The following CRK variants were observed in gnomAD, a reference collection of about 807,000 sequenced individuals.
The protein encoded by CRK is CRK proto-oncogene, adaptor protein.
In CRK, 4 loss-of-function variants were observed where a neutral mutation model predicts 29.8. The observed-to-expected ratio is 0.13, with a 90% confidence interval of 0.07 to 0.31. CRK has a LOEUF of 0.31. Ranked by LOEUF, CRK falls within the 10% of genes least tolerant of loss-of-function variation. CRK has a pLI of 1.00. For missense variants in CRK, 274 were observed against 396.5 expected, an observed-to-expected ratio of 0.69 and a Z score of 2.62; for synonymous variants, 153 against 164.9, an observed-to-expected ratio of 0.93 and a Z score of 0.55.
chr17:1,431,447 G>C (rs2073844145), intron 2 of CRK, among the ~76,000 whole-genome samples: 1 of 152,010 alleles, frequency 6.6e-6, no homozygotes, highest in Non-Finnish European at 1.5e-5. Context: ...ATCATACCGG[G>C]GCGGTGGCTC....
At chr17:1,433,050 G>A (rs187277463) in intron 2 of CRK, among the ~76,000 whole-genome samples, 493 of 152,218 alleles carry the variant, frequency 3.2e-3, no homozygotes, top group Non-Finnish European at 5.5e-3. Context: ...AACAAACACT[G>A]GCTATTCCCT....
chr17:1,445,620 G>A (rs1423951731), intron 1 of CRK, among the ~76,000 whole-genome samples: 1 of 152,200 alleles, frequency 6.6e-6, no homozygotes, highest in African/African-American at 2.4e-5. Context: ...GGTAGTCAAG[G>A]AGATTCATGG....
At chr17:1,432,530 C>A (rs563136212) in intron 2 of CRK, among the ~76,000 whole-genome samples, 1 of 146,840 alleles carries the variant, frequency 6.8e-6, no homozygotes, top group South Asian at 2.1e-4. Flanking sequence ...GTAATCCCAG[C>A]ACTTTGGGAG....
At chr17:1,447,843 C>G (rs1359874906) in intron 1 of CRK, among the ~76,000 whole-genome samples, 5 of 152,046 alleles carry the variant, frequency 3.3e-5, no homozygotes, top group Non-Finnish European at 7.4e-5. Context: ...TCTCGAACTC[C>G]TGACCTCAAG....
Position 1,437,015 on chromosome 17 carries a change from T to C in CRK, c.382A>G (p.Ile128Val). 6.2e-7 allele frequency: 1 copy of C among 1,614,136 alleles called. No homozygotes were observed. Among genetic ancestry groups the C allele is most frequent in the East Asian group, 2.2e-5 (1 of 44,882 alleles). ...VSRSRQGSGVILRQEEAEYVR... is the reference protein window; with the variant it reads ...VSRSRQGSGVVLRQEEAEYVR... ...TACTCCGCCTCCTCCTGCCTGAGAA[T>C]CACTCCACTACCCTGCCTGGATCTG... The change falls in exon 2 of 3, where the codon ATT becomes GTT. Residue 128 changes from isoleucine to valine, a missense_variant. Transcript: ENST00000300574.
intron 1 of CRK, among the ~76,000 whole-genome samples, chr17:1,441,263 T>G (rs957555180): frequency 6.6e-6 from 1 of 152,020 alleles, no homozygotes; most frequent in Non-Finnish European, 1.5e-5. Context: ...ACTCCCTATG[T>G]GGCCCAGGCT....
chr17:1,437,451 A>G (rs2073895558), intron 1 of CRK, among the ~76,000 whole-genome samples: 1 of 152,052 alleles, frequency 6.6e-6, no homozygotes, highest in African/African-American at 2.4e-5. Context: ...CAGCACACCA[A>G]CATCACATTT....
Position 1,423,585 on chromosome 17 carries a change from G to A in CRK, c.843C>T (p.Gly281=). ...VSGQWEGECN[G]KRGHFPFTHV... is the part of the protein sequence containing the mutation. ...GTGTGAATGGGAAGTGACCTCGTTT[G>A]CCATTACACTCCCCTTCCCACTGAC... The change falls in exon 3 of 3, where the codon GGC becomes GGT. Residue 281 remains glycine (G), a synonymous_variant. Coordinates refer to ENST00000300574, the MANE Select transcript of CRK (RefSeq NM_016823.4). The A allele has an allele frequency of 6.2e-7, 1 of 1,614,090 alleles. No individual in the cohort carries two copies. The highest frequency in any genetic ancestry group is 2.2e-5 in the East Asian group (1 of 44,888).
Position 1,422,201 on chromosome 17 carries a change from T to C in CRK, c.*1312A>G, listed in dbSNP as rs1454427990. ...TTTTTTGAGACTGAGTCTTGCCCTGTCGCTCAGGCTGGAACGCAGTGGTGC... is the reference window on the plus strand; with the variant it reads ...TTTTTTGAGACTGAGTCTTGCCCTGCCGCTCAGGCTGGAACGCAGTGGTGC... On this transcript the variant is annotated 3_prime_UTR_variant, in exon 3 of 3. Coordinates refer to ENST00000300574, the MANE Select transcript of CRK (RefSeq NM_016823.4). 2 of 150,642 alleles carry C rather than the reference T, an allele frequency of 1.3e-5. No individual in the cohort carries two copies. Among genetic ancestry groups the C allele is most frequent in the African/African-American group, 4.9e-5 (2 of 40,882 alleles). 9.3% of individuals were successfully genotyped at this position (150,642 alleles called of 1,614,324 possible). A position where few individuals can be genotyped will look rare whatever the true frequency, so the allele number is the denominator to read the frequency against.
intron 1 of CRK, among the ~76,000 whole-genome samples, chr17:1,439,500 T>G (rs1246606281): frequency 2.6e-5 from 4 of 152,154 alleles, no homozygotes; most frequent in South Asian, 2.1e-4. Flanking sequence ...TATGGTTTCC[T>G]GAAGAAGTAA....
intron 1 of CRK, among the ~76,000 whole-genome samples, chr17:1,452,058 A>G (rs1305400507): frequency 1.3e-5 from 2 of 152,144 alleles, no homozygotes; most frequent in African/African-American, 4.8e-5. Context: ...GATATTGAGG[A>G]TACGGACCTC....
rs778455201 is a variant in CRK at position 1,436,984 on chromosome 17, C to T, written c.413G>A (p.Arg138Gln). The change falls in exon 2 of 3, where the codon CGA becomes CAA. Residue 138 changes from arginine to glutamine, a missense_variant. By Grantham distance (43) the Arg-to-Gln change is conservative. This residue lies in a region of CRK where 18 missense variants were observed against 61.3 expected (regional missense o/e 0.29). Transcript: ENST00000300574. ...ATTCCCATTAAAGTCAAAGAGGGCT[C>T]GCACATACTCCGCCTCCTCCTGCCT... ...ILRQEEAEYV[R>Q]ALFDFNGNDE... The T allele has an allele frequency of 8.1e-6, 13 of 1,614,000 alleles. No homozygotes were observed. In the Admixed American group the frequency reaches 1.0e-4, roughly 12 times the overall value.
chr17:1,422,628 T>C lies in CRK; in HGVS notation c.*885A>G, dbSNP rs1412625030. ...CCACTCTTGAGTAGAACCTAAGAATTCCAAGAGTCTCCTAATAGGATACTG... is the reference window on the plus strand; with the variant it reads ...CCACTCTTGAGTAGAACCTAAGAATCCCAAGAGTCTCCTAATAGGATACTG... On this transcript the variant is annotated 3_prime_UTR_variant, in exon 3 of 3. Transcript: ENST00000300574. The C allele has an allele frequency of 7.6e-6, 2 of 263,338 alleles. No homozygotes were observed. Among genetic ancestry groups the C allele is most frequent in the African/African-American group, 4.4e-5 (2 of 45,434 alleles). 16.3% of individuals were successfully genotyped at this position (263,338 alleles called of 1,614,324 possible). A position where few individuals can be genotyped will look rare whatever the true frequency, so the allele number is the denominator to read the frequency against.
At chr17:1,434,047 C>G (rs1395654723) in intron 2 of CRK, among the ~76,000 whole-genome samples, 1 of 152,020 alleles carries the variant, frequency 6.6e-6, no homozygotes, top group African/African-American at 2.4e-5. Flanking sequence ...ACAGCAAGCT[C>G]ATCTGTTGTT....
At chr17:1,440,534 C>T (rs2073927113) in intron 1 of CRK, among the ~76,000 whole-genome samples, 1 of 152,022 alleles carries the variant, frequency 6.6e-6, no homozygotes, top group Non-Finnish European at 1.5e-5. Context: ...AATCCCAGCA[C>T]TTTGGGAGGC....
chr17:1,422,810 G>A lies in CRK; in HGVS notation c.*703C>T, dbSNP rs2073740495. ...CAACACTGGCTTAAAGCTATGCACT[G>A]AATAAAGTGCTCGGTACATCCTGCT... On this transcript the variant is annotated 3_prime_UTR_variant, in exon 3 of 3. Coordinates refer to ENST00000300574, the MANE Select transcript of CRK (RefSeq NM_016823.4). 2.5e-6 allele frequency: 1 copy of A among 397,710 alleles called. No homozygotes were observed. The highest frequency in any genetic ancestry group is 4.4e-6 in the Non-Finnish European group (1 of 225,878). 24.6% of individuals were successfully genotyped at this position (397,710 alleles called of 1,614,324 possible).
At chr17:1,451,965 G>C (rs893438938) in intron 1 of CRK, among the ~76,000 whole-genome samples, 1 of 152,116 alleles carries the variant, frequency 6.6e-6, no homozygotes, top group African/African-American at 2.4e-5. Context: ...AGCAGCCCGG[G>C]GGGCAAGAGC....
chr17:1,455,237 C>T (rs1396263746), intron 1 of CRK, among the ~76,000 whole-genome samples: 1 of 152,242 alleles, frequency 6.6e-6, no homozygotes, highest in East Asian at 1.9e-4. Context: ...GGGCTGGTCA[C>T]TGAAGGCTTT....
chr17:1,445,767 G>A (rs996292702), intron 1 of CRK, among the ~76,000 whole-genome samples: 2 of 152,164 alleles, frequency 1.3e-5, no homozygotes, highest in Admixed American at 6.6e-5. Context: ...GGGCAGAGTG[G>A]TAAGGAGGCC....
Sources: gnomAD v4.1 joint callset for allele counts (sites outside exome capture counted in the v4.1 genomes callset) on GRCh38, gnomAD v4.1.1 for gene constraint, gnomAD v4.1.1 regional missense constraint, MANE v1.5 for transcripts, NCBI Gene and HGNC (gene_info 2026-07-23, HGNC 2026-07-21) for gene names.